Variants in CHRNA6 observed in about 807,000 individuals in gnomAD.
The protein encoded by CHRNA6 is neuronal acetylcholine receptor subunit alpha-6.
A neutral mutation model predicts 40.9 loss-of-function variants in CHRNA6; 31 were observed. The ratio of observed to expected loss-of-function variants is 0.76; its 90% CI spans 0.57 to 1.02. CHRNA6 has a LOEUF of 1.02. Among genes scored for constraint, CHRNA6 ranks in the 50% least tolerant of loss-of-function variants. The pLI, the probability that CHRNA6 is intolerant of heterozygous loss-of-function variation, is 0.00. For synonymous variants in CHRNA6, 222 were observed against 221.3 expected (o/e 1.00, Z -0.03); for missense variants, 546 against 596.6 (o/e 0.92, Z 0.88).
intron 2 of CHRNA6, among the ~76,000 whole-genome samples, chr8:42,762,419 T>A (rs924215040): frequency 6.6e-6 from 1 of 152,112 alleles, no homozygotes; most frequent in African/African-American, 2.4e-5. Flanking sequence ...GAGGCCAAGG[T>A]GGGCAGATCA....
Position 42,756,190 on chromosome 8 carries a change from T to C in CHRNA6, c.1009A>G (p.Met337Val). ...IHYRTPTTHT[M>V]PRWVKTVFLK... ...AAAACTGTCTTCACCCACCTGGGCA[T>C]TGTGTGCGTGGTTGGGGTGCGGTAG... The change falls in exon 5 of 6, where the codon ATG becomes GTG. Residue 337 changes from methionine to valine, a missense_variant. This residue lies in a region of CHRNA6 where 476 missense variants were observed against 494.5 expected (regional missense o/e 0.96). Transcript: ENST00000276410. The C allele has an allele frequency of 6.2e-7, 1 of 1,614,200 alleles. No homozygotes were observed. The highest frequency in any genetic ancestry group is 8.5e-7 in the Non-Finnish European group (1 of 1,180,042).
chr8:42,765,292 G>A lies in CHRNA6; in HGVS notation c.80-88C>T. 2.1e-6 allele frequency: 3 copies of A among 1,434,448 alleles called. No individual in the cohort carries two copies. In the South Asian group the frequency reaches 3.7e-5, roughly 18 times the overall value. The allele number at this position is 1,434,448 out of a possible 1,614,324, so 88.9% of individuals were successfully genotyped here. ...TAGGCAATTCTTCCCGGGCCCTGTG[G>A]GGAGCGAATGTCCCAGCCCATGACT... On this transcript the variant is annotated intron_variant, in intron 1 of 5. Coordinates refer to ENST00000276410, the MANE Select transcript of CHRNA6 (RefSeq NM_004198.3).
At chr8:42,762,696 C>A (rs956369377) in intron 2 of CHRNA6, among the ~76,000 whole-genome samples, 1 of 152,030 alleles carries the variant, frequency 6.6e-6, no homozygotes, top group Admixed American at 6.6e-5. Flanking sequence ...CCCTGGAGTA[C>A]TACTCAGCAA....
At chr8:42,763,109 G>T (rs1376792280) in intron 2 of CHRNA6, among the ~76,000 whole-genome samples, 2 of 152,208 alleles carry the variant, frequency 1.3e-5, no homozygotes, top group African/African-American at 4.8e-5. Flanking sequence ...GAATGTGAAT[G>T]TGAGGATGGG....
chr8:42,762,713 G>A (rs977523234), intron 2 of CHRNA6, among the ~76,000 whole-genome samples: 2 of 152,064 alleles, frequency 1.3e-5, no homozygotes, highest in Non-Finnish European at 2.9e-5. Context: ...GCAACAAGAA[G>A]GAATGAACTA....
chr8:42,755,557 G>A (rs551599738), intron 5 of CHRNA6, among the ~76,000 whole-genome samples: 4 of 152,260 alleles, frequency 2.6e-5, no homozygotes, highest in East Asian at 3.9e-4. Context: ...GATTACAGGC[G>A]TGAGCCACCA....
intron 1 of CHRNA6, among the ~76,000 whole-genome samples, chr8:42,767,812 G>A (rs1816994821): frequency 6.6e-6 from 1 of 152,110 alleles, no homozygotes; most frequent in African/African-American, 2.4e-5. Flanking sequence ...CAAGTCCCCT[G>A]CAAACCTAAC....
intron 1 of CHRNA6, among the ~76,000 whole-genome samples, chr8:42,768,045 A>G (rs2128912951): frequency 6.6e-6 from 1 of 152,334 alleles, no homozygotes; most frequent in Non-Finnish European, 1.5e-5. Flanking sequence ...ATAACTACAA[A>G]TAAATAAGCT....
chr8:42,762,115 G>A (rs371540304), intron 2 of CHRNA6, among the ~76,000 whole-genome samples: 2 of 152,160 alleles, frequency 1.3e-5, no homozygotes, highest in South Asian at 2.1e-4. Context: ...ATCAGACAGC[G>A]GGCCTTTTCC....
In CHRNA6 at chr8:42,765,205, CTG is replaced by C. The variant is rs1308054138; in HGVS notation, c.80-3_80-2del. ...TCCTCAGTTGCACAGCCCACACAGC[CTG>C]TGAGGCCAAACAAAGGGGAGAGTTA... On this transcript the variant is annotated splice_acceptor_variant and splice_polypyrimidine_tract_variant and intron_variant, in intron 1 of 5. Transcript: ENST00000276410. LOFTEE classifies it high-confidence loss of function. 17 of 1,613,394 alleles carry C rather than the reference CTG, an allele frequency of 1.1e-5. No individual in the cohort carries two copies. The highest frequency in any genetic ancestry group is 1.7e-4 in the Middle Eastern group (1 of 5,928).
At chr8:42,760,479 TACTCACTCATGCACATGC>T (rs915697204) in intron 2 of CHRNA6, among the ~76,000 whole-genome samples, 7 of 151,174 alleles carry the variant, frequency 4.6e-5, no homozygotes, top group African/African-American at 1.2e-4. Flanking sequence ...CACTGGTGCA[TACTCACTCATGCACATGC>T]ACTCACTCAT....
rs1403906235 is a variant in CHRNA6, at chr8:42,757,053, A to G, written c.265-16T>C. 1 of 1,578,018 alleles carries G rather than the reference A, an allele frequency of 6.3e-7. No individual in the cohort carries two copies. The highest frequency in any genetic ancestry group is 8.7e-7 in the Non-Finnish European group (1 of 1,148,184). ...CATTCCAGATCTAAAATAAATAGAA[A>G]TCAGCTTTTAAAATTTCTTAATAAC... On this transcript the variant is annotated splice_polypyrimidine_tract_variant and intron_variant, in intron 3 of 5. Transcript: ENST00000276410.
chr8:42,765,261 C>T (rs11985288), intron 1 of CHRNA6, 57 bp from the exon 2 acceptor site: 9 of 1,584,310 alleles, frequency 5.7e-6, no homozygotes, highest in East Asian at 4.5e-5. Context: ...GCCACTGCAG[C>T]GATTCTAGGC....
Position 42,757,007 on chromosome 8 carries a change from G to C in CHRNA6, c.295C>G (p.Pro99Ala). 1 of 1,612,638 alleles carries C rather than the reference G, an allele frequency of 6.2e-7. No individual in the cohort carries two copies. The highest frequency in any genetic ancestry group is 8.5e-7 in the Non-Finnish European group (1 of 1,178,678). The change falls in exon 4 of 6, where the codon CCA (proline) becomes GCA (alanine). Residue 99 changes from proline (P) to alanine (A), a missense_variant. Pro to Ala is a conservative substitution (Grantham distance 27). Around this residue, in one of 3 missense-constraint regions of CHRNA6, gnomAD observed 476 missense variants for 494.5 expected, o/e 0.96. Transcript: ENST00000276410. The stretch of plus-strand genomic sequence containing the variant: ...GTCTCAATGCCATCATATTCCATTG[G>C]ATCCCAGCGCAATTTATAATCATTC... ...IWNDYKLRWDPMEYDGIETLR... is the reference protein window; with the variant it reads ...IWNDYKLRWDAMEYDGIETLR...
chr8:42,756,198 G>A lies in CHRNA6; in HGVS notation c.1001C>T (p.Thr334Met), dbSNP rs200513077. 3.8e-5 allele frequency: 61 copies of A among 1,614,112 alleles called. No individual in the cohort carries two copies. The highest frequency in any genetic ancestry group is 6.7e-5 in the East Asian group (3 of 44,902). Residue 334 changes from threonine to methionine, a missense_variant, in exon 5 of 6, where the codon ACG becomes ATG. Around this residue, in one of 3 missense-constraint regions of CHRNA6, gnomAD observed 476 missense variants for 494.5 expected, o/e 0.96. Coordinates refer to ENST00000276410, the MANE Select transcript of CHRNA6 (RefSeq NM_004198.3). ...CTTCACCCACCTGGGCATTGTGTGC[G>A]TGGTTGGGGTGCGGTAGTGTATGTT... ...VLNIHYRTPT[T>M]HTMPRWVKTV... is the part of the protein sequence containing the mutation.
At chr8:42,758,814 C>T (rs543895264) in intron 3 of CHRNA6, among the ~76,000 whole-genome samples, 64 of 152,276 alleles carry the variant, frequency 4.2e-4, no homozygotes, top group African/African-American at 1.5e-3. Flanking sequence ...GCTCAAGTTA[C>T]AGAAAAGTGG....
At chr8:42,766,965 A>C (rs76933159) in intron 1 of CHRNA6, among the ~76,000 whole-genome samples, 1 of 152,128 alleles carries the variant, frequency 6.6e-6, no homozygotes, top group South Asian at 2.1e-4. Flanking sequence ...AATTTATTTG[A>C]AACTTCCTTT....
At chr8:42,753,704 A>G (rs1240872285) in intron 5 of CHRNA6, among the ~76,000 whole-genome samples, 1 of 152,144 alleles carries the variant, frequency 6.6e-6, no homozygotes, top group African/African-American at 2.4e-5. Context: ...AATAAAGCAA[A>G]TATTGGTATT....
intron 3 of CHRNA6, among the ~76,000 whole-genome samples, chr8:42,757,627 G>A (rs1255668413): frequency 6.6e-6 from 1 of 151,112 alleles, no homozygotes; most frequent in Non-Finnish European, 1.5e-5. Flanking sequence ...CAGCTACTCC[G>A]GAGGCTGAGG....
Sources: gnomAD v4.1 joint callset for allele counts (sites outside exome capture counted in the v4.1 genomes callset) on GRCh38, gnomAD v4.1.1 for gene constraint, gnomAD v4.1.1 regional missense constraint, MANE v1.5 for transcripts, NCBI Gene and HGNC (gene_info 2026-07-23, HGNC 2026-07-21) for gene names.